Variants in EBF3 observed in about 807,000 individuals in gnomAD.
EBF3 encodes EBF transcription factor 3, also known as transcription factor COE3.
A neutral mutation model predicts 77.1 loss-of-function variants in EBF3; 18 were observed. The observed-to-expected ratio is 0.23, with a 90% CI of 0.16 to 0.35. EBF3 has a LOEUF of 0.35. Among genes scored for constraint, EBF3 ranks in the 10% least tolerant of loss-of-function variants. The pLI is 1.00. For synonymous variants in EBF3, 350 were observed against 343.5 expected (o/e 1.02, Z -0.21); for missense variants, 558 against 860.0 (o/e 0.65, Z 4.39).
chr10:129,891,305 A>G (rs754895437), intron 6 of EBF3, among the ~76,000 whole-genome samples: 20 of 152,178 alleles, frequency 1.3e-4, no homozygotes, highest in Non-Finnish European at 2.2e-4. Flanking sequence ...GGTACAAGTC[A>G]CTACTTGTAG....
rs893939884 is a variant in EBF3, at chr10:129,938,716, G to C, written c.554+18542C>G. 1.3e-5 allele frequency among the ~76,000 whole-genome samples: 2 copies of C among 152,212 alleles called. No homozygotes were observed. Among genetic ancestry groups the C allele is most frequent in the African/African-American group, 4.8e-5 (2 of 41,456 alleles). Reference sequence around the variant, plus strand: ...GGCTGCAACCGACGAGCACTGCCTTGTGTCCTGGGACCTGGCCTGTGCTCC... The same window carrying C: ...GGCTGCAACCGACGAGCACTGCCTTCTGTCCTGGGACCTGGCCTGTGCTCC... On this transcript the variant is annotated intron_variant, in intron 6 of 16. Transcript: ENST00000440978. The surrounding 1 kb of genome is among the most constrained non-coding windows in gnomAD (Gnocchi z 5.1).
chr10:129,842,091 G>T lies in EBF3; in HGVS notation c.1372+25C>A, dbSNP rs757811756. On this transcript the variant is annotated intron_variant, in intron 13 of 16. Transcript: ENST00000440978. This position sits in a 1 kb window ranked among gnomAD's most constrained non-coding sequence, Gnocchi z 4.4. The stretch of plus-strand genomic sequence containing the variant: ...AACCCTCGGAGGGCGTTCAGGGCAG[G>T]GGTCCTCCCAGCATGCTGGCATACC... The T allele has an allele frequency of 6.2e-7, 1 of 1,614,070 alleles. No individual in the cohort carries two copies. Among genetic ancestry groups the T allele is most frequent in the Non-Finnish European group, 8.5e-7 (1 of 1,179,972 alleles).
intron 6 of EBF3, among the ~76,000 whole-genome samples, chr10:129,878,587 T>G (rs978661423): frequency 6.8e-6 from 1 of 146,698 alleles, no homozygotes; most frequent in African/African-American, 2.5e-5. Context: ...GAGAATCGCT[T>G]GAACCCAGGA....
At position 129,835,374 on chromosome 10, in the gene EBF3, C is replaced by T. The variant is rs1444666065; in HGVS notation, c.*2569G>A. The T allele has an allele frequency of 1.3e-5, 2 of 152,228 alleles. No individual in the cohort carries two copies. Among genetic ancestry groups the T allele is most frequent in the African/African-American group, 4.8e-5 (2 of 41,352 alleles). The allele number at this position is 152,228 out of a possible 1,614,324, so 9.4% of individuals were successfully genotyped here. On this transcript the variant is annotated 3_prime_UTR_variant, in exon 17 of 17. Transcript: ENST00000440978. The stretch of plus-strand genomic sequence containing the variant: ...TATCTGAAAAAATGTACAGATAAAA[C>T]AATCTTATTGTAGGGTCTTTAACAG...
intron 7 of EBF3, among the ~76,000 whole-genome samples, chr10:129,874,946 G>A (rs189349964): frequency 2.6e-5 from 4 of 152,148 alleles, no homozygotes; most frequent in East Asian, 1.9e-4. Context: ...GGGGGTACAC[G>A]GGCGATCTCT....
chr10:129,837,790 ACAAAGTCTTTTGTAG>A lies in EBF3; in HGVS notation c.*138_*152del. The A allele has an allele frequency of 2.1e-6, 2 of 974,400 alleles. No individual in the cohort carries two copies. Among genetic ancestry groups the A allele is most frequent in the African/African-American group, 3.3e-5 (2 of 60,932 alleles). 60.4% of individuals were successfully genotyped at this position (974,400 alleles called of 1,614,324 possible). On this transcript the variant is annotated 3_prime_UTR_variant, in exon 17 of 17. Transcript: ENST00000440978. ...TTAATAGTTTAAATAAAATCTTTAA[ACAAAGTCTTTTGTAG>A]CATTTCAATTGCTGCTGATTTTTTT...
chr10:129,841,162 G>C lies in EBF3; in HGVS notation c.1373-130C>G. ...CCCTGTGCTTTCCACCTGCTCTAGC[G>C]CCTGCTGCCAGCTCGGATGACCTTA... On this transcript the variant is annotated intron_variant, in intron 13 of 16. Transcript: ENST00000440978. The surrounding 1 kb of genome is among the most constrained non-coding windows in gnomAD (Gnocchi z 4.6). 8.1e-7 allele frequency: 1 copy of C among 1,241,358 alleles called. No homozygotes were observed. The highest frequency in any genetic ancestry group is 1.5e-5 in the South Asian group (1 of 65,178). 76.9% of individuals were successfully genotyped at this position (1,241,358 alleles called of 1,614,324 possible).
Position 129,836,546 on chromosome 10 carries a change from A to T in EBF3, c.*1397T>A, listed in dbSNP as rs1020200956. 6 of 152,578 alleles carry T rather than the reference A, an allele frequency of 3.9e-5. No individual in the cohort carries two copies. The highest frequency in any genetic ancestry group is 3.9e-4 in the Admixed American group (6 of 15,278). 9.5% of individuals were successfully genotyped at this position (152,578 alleles called of 1,614,324 possible). The stretch of plus-strand genomic sequence containing the variant: ...TTTTTTTTCAAAAGTATTTGTTCAG[A>T]TAACTTAAAAATAATATAAAAATAA... On this transcript the variant is annotated 3_prime_UTR_variant, in exon 17 of 17. Transcript: ENST00000440978.
intron 6 of EBF3, among the ~76,000 whole-genome samples, chr10:129,895,972 T>C (rs2069250335): frequency 6.6e-6 from 1 of 152,230 alleles, no homozygotes; most frequent in Non-Finnish European, 1.5e-5. Flanking sequence ...AGAAATGCTG[T>C]ACAGGTTTTC....
chr10:129,870,516 G>C lies in EBF3; in HGVS notation c.782-2604C>G, dbSNP rs975559857. Among the ~76,000 whole-genome samples the C allele has an allele frequency of 6.6e-6, 1 of 152,132 alleles. No homozygotes were observed. The highest frequency in any genetic ancestry group is 2.4e-5 in the African/African-American group (1 of 41,440). Reference sequence around the variant, plus strand: ...CCTCCTGGGGCCCCGAGCTGCCAGGGTCCAGAGAAAGGAGGCGTGGCGAGT... The same window carrying C: ...CCTCCTGGGGCCCCGAGCTGCCAGGCTCCAGAGAAAGGAGGCGTGGCGAGT... On this transcript the variant is annotated intron_variant, in intron 8 of 16. Coordinates refer to ENST00000440978, the MANE Select transcript of EBF3 (RefSeq NM_001375380.1). The surrounding 1 kb of genome is among the most constrained non-coding windows in gnomAD (Gnocchi z 4.4).
intron 6 of EBF3, among the ~76,000 whole-genome samples, chr10:129,887,052 G>GGT (rs1853640699): frequency 2.1e-5 from 2 of 96,060 alleles, no homozygotes; most frequent in African/African-American, 7.5e-5. Flanking sequence ...GGGGGTTGTG[G>GGT]GCGGGGGGGG....
intron 3 of EBF3, 150 bp from the exon 4 acceptor site, chr10:129,962,376 C>T: frequency 1.5e-6 from 1 of 666,630 alleles, no homozygotes; most frequent in Non-Finnish European, 2.6e-6. Flanking sequence ...GAAAGAGAAC[C>T]CCACCACTTC....
At chr10:129,838,483 G>A (rs566341369) in intron 16 of EBF3, among the ~76,000 whole-genome samples, 3 of 152,264 alleles carry the variant, frequency 2.0e-5, no homozygotes, top group South Asian at 2.1e-4. Context: ...TCTCTGTATC[G>A]TAATGGTGAG....
Position 129,841,107 on chromosome 10 carries a change from T to G in EBF3, c.1373-75A>C. ...ACACTTGGGGGGGGTTCCCCGAGAA[T>G]CTATATCATATATTAACATTGCTAA... On this transcript the variant is annotated intron_variant, in intron 13 of 16. Transcript: ENST00000440978. This position sits in a 1 kb window ranked among gnomAD's most constrained non-coding sequence, Gnocchi z 4.6. 1.3e-6 allele frequency: 2 copies of G among 1,557,156 alleles called. No individual in the cohort carries two copies. The highest frequency in any genetic ancestry group is 1.7e-6 in the Non-Finnish European group (2 of 1,150,980).
At position 129,963,757 on chromosome 10, in the gene EBF3, A is replaced by G. The variant is rs1306072975; in HGVS notation, c.12T>C (p.Ile4=). 1.3e-6 allele frequency: 2 copies of G among 1,523,366 alleles called. No homozygotes were observed. The highest frequency in any genetic ancestry group is 1.8e-5 in the Admixed American group (1 of 54,666). 94.4% of individuals were successfully genotyped at this position (1,523,366 alleles called of 1,614,324 possible). ...TCCCCCCGCGCGGAATATTCTCCTG[A>G]ATCCCAAACATGAAAACTGCTGGCG... MFG[I]QENIPRGGTT... is the part of the protein sequence containing the mutation. The change falls in exon 1 of 17, where the codon ATT becomes ATC. Residue 4 remains isoleucine (I), a synonymous_variant. Transcript: ENST00000440978. The surrounding 1 kb of genome is among the most constrained non-coding windows in gnomAD (Gnocchi z 7.1).
intron 16 of EBF3, 149 bp downstream of exon 16, chr10:129,838,934 G>A: frequency 1.5e-6 from 1 of 652,638 alleles, no homozygotes; most frequent in Non-Finnish European, 2.3e-6. Context: ...CACGGGCAGG[G>A]CCGCGGCACC....
Position 129,879,542 on chromosome 10 carries a change from G to GA in EBF3, c.555-1694dup, listed in dbSNP as rs1437735980. Reference sequence around the variant, plus strand: ...GCAGAAGAAAATCCAATTGATGGGGGAAAGAGTGGTGGCCACTTAATTAAA... The same window carrying GA: ...GCAGAAGAAAATCCAATTGATGGGGGAAAAGAGTGGTGGCCACTTAATTAAA... On this transcript the variant is annotated intron_variant, in intron 6 of 16. Coordinates refer to ENST00000440978, the MANE Select transcript of EBF3 (RefSeq NM_001375380.1). The surrounding 1 kb of genome is among the most constrained non-coding windows in gnomAD (Gnocchi z 4.7). 6.6e-6 allele frequency among the ~76,000 whole-genome samples: 1 copy of GA among 152,180 alleles called. No individual in the cohort carries two copies. Among genetic ancestry groups the GA allele is most frequent in the Non-Finnish European group, 1.5e-5 (1 of 68,030 alleles).
chr10:129,922,067 C>T (rs187746810), intron 6 of EBF3, among the ~76,000 whole-genome samples: 52 of 152,342 alleles, frequency 3.4e-4, no homozygotes, highest in African/African-American at 1.3e-3. Context: ...CCAAAGCTCC[C>T]TGAATCCATT....
chr10:129,926,538 A>G (rs1256602059), intron 6 of EBF3, among the ~76,000 whole-genome samples: 1 of 152,130 alleles, frequency 6.6e-6, no homozygotes. Flanking sequence ...GTGTCACCCC[A>G]AAGCTCCACA....
Sources: allele counts gnomAD v4.1 joint callset (sites outside exome capture counted in the v4.1 genomes callset), GRCh38; gene constraint gnomAD v4.1.1; non-coding constraint Gnocchi (gnomAD v3.1); transcripts MANE v1.5; gene names NCBI Gene and HGNC (gene_info 2026-07-23, HGNC 2026-07-21).